Variants in CSMD1 observed in about 807,000 individuals in gnomAD.
CSMD1 encodes CUB and sushi domain-containing protein 1.
CSMD1 carries 213 observed loss-of-function variants against 417.5 expected under a neutral mutation model. That is an observed-to-expected ratio of 0.51 (90% confidence interval 0.46 to 0.57). The LOEUF is 0.57. CSMD1 is among the 20% of genes least tolerant of loss of function. The probability of loss-of-function intolerance (pLI) is 0.00; values close to 1 mark genes in which losing one functional copy is unlikely to be tolerated. For missense variants in CSMD1, 6,923 were observed against 4,529.7 expected, an observed-to-expected ratio of 1.53 and a Z score of -15.17; for synonymous variants, 2,862 against 1,736.8, an observed-to-expected ratio of 1.65 and a Z score of -16.11.
rs1466832482 is a variant in CSMD1 at position 4,695,742 on chromosome 8, G to C, written c.86-58184C>G. ...TACCGTTGGTATTTTATGTTCTATG[G>C]GTTTAGACAAATTTATTGTGATATG... is the stretch of plus-strand genomic sequence containing the variant. On this transcript the variant is annotated intron_variant, in intron 1 of 69. Coordinates refer to ENST00000635120, the MANE Select transcript of CSMD1 (RefSeq NM_033225.6). Among the ~76,000 whole-genome samples the C allele has an allele frequency of 3.3e-5, 5 of 151,976 alleles. No individual in the cohort carries two copies. The East Asian group carries it at 9.7e-4, about 29-fold the overall frequency.
At chr8:3,794,458 C>A (rs1383966643) in intron 5 of CSMD1, among the ~76,000 whole-genome samples, 4 of 152,152 alleles carry the variant, frequency 2.6e-5, no homozygotes, top group Non-Finnish European at 4.4e-5. Context: ...TACTTATAAA[C>A]CAATTAAATC....
chr8:4,794,983 G>A lies in CSMD1; in HGVS notation c.86-157425C>T, dbSNP rs180963023. ...GTGGAGTAAAGCCAGAGAAGAGAAA[G>A]AATGGTGCCTTAGGAAGTTGGGTAG... On this transcript the variant is annotated intron_variant, in intron 1 of 69. Transcript: ENST00000635120. Among the ~76,000 whole-genome samples, 3 of 146,548 alleles carry A rather than the reference G, an allele frequency of 2.0e-5. No individual in the cohort carries two copies. In the South Asian group the frequency reaches 7.0e-4, roughly 34 times the overall value.
chr8:3,225,518 C>A (rs980219726), intron 27 of CSMD1, among the ~76,000 whole-genome samples: 1 of 152,006 alleles, frequency 6.6e-6, no homozygotes, highest in Admixed American at 6.6e-5. Context: ...GTGGACCGAT[C>A]AGGGAGCGGG....
At chr8:4,153,879 G>A (rs966871657) in intron 3 of CSMD1, among the ~76,000 whole-genome samples, 2 of 152,232 alleles carry the variant, frequency 1.3e-5, no homozygotes, top group Non-Finnish European at 2.9e-5. Flanking sequence ...ACTCATGGCA[G>A]CAAACTAACA....
chr8:4,623,336 A>C (rs916857812), intron 2 of CSMD1, among the ~76,000 whole-genome samples: 1 of 152,180 alleles, frequency 6.6e-6, no homozygotes. Context: ...GGCTGAGTAC[A>C]CTAAATATAG....
Position 2,955,582 on chromosome 8 carries a change from G to A in CSMD1, c.9994+7C>T. On this transcript the variant is annotated splice_region_variant and intron_variant, in intron 64 of 69. Transcript: ENST00000635120. ...AAAAGTATGCCACTCCTTGATCAAT[G>A]ACTTACTTTTACACACAGGCGACTT... The A allele has an allele frequency of 1.2e-6, 2 of 1,612,964 alleles. No individual in the cohort carries two copies. The highest frequency in any genetic ancestry group is 1.7e-6 in the Non-Finnish European group (2 of 1,179,340).
chr8:4,881,411 A>ATGTCTATC (rs1554509736), intron 1 of CSMD1, among the ~76,000 whole-genome samples: 13 of 134,792 alleles, frequency 9.6e-5, no homozygotes, highest in Admixed American at 6.6e-4. Flanking sequence ...CCTAGTATAC[A>ATGTCTATC]TATCTATCTA....
rs1168857880 is a variant in CSMD1, at chr8:3,052,550, G to A, written c.7572C>T (p.Gly2524=). Residue 2524 remains glycine (G), a synonymous_variant, in exon 50 of 70, where the codon GGC becomes GGT. Coordinates refer to ENST00000635120, the MANE Select transcript of CSMD1 (RefSeq NM_033225.6). The stretch of plus-strand genomic sequence containing the variant: ...CTTGCTGGCTGGATTCAAGCTTGAA[G>A]CCCTCATGACATTCATAGACCACTT... ...DSKVVYECHE[G]FKLESSQQAT... is the part of the protein sequence containing the mutation. 3.1e-6 allele frequency: 5 copies of A among 1,609,146 alleles called. No individual in the cohort carries two copies. The highest frequency in any genetic ancestry group is 3.4e-5 in the Admixed American group (2 of 59,420).
At chr8:3,211,686 A>G (rs1042131380) in intron 30 of CSMD1, among the ~76,000 whole-genome samples, 5 of 152,148 alleles carry the variant, frequency 3.3e-5, no homozygotes, top group African/African-American at 9.7e-5. Context: ...GTGAGGCGAG[A>G]TCTGGTCACT....
intron 1 of CSMD1, among the ~76,000 whole-genome samples, chr8:4,853,186 G>C (rs1463041864): frequency 6.6e-6 from 1 of 152,204 alleles, no homozygotes. Context: ...AAGGGACCCA[G>C]GTGCTGCTAG....
At chr8:4,211,662 G>A (rs751857419) in intron 3 of CSMD1, among the ~76,000 whole-genome samples, 8 of 152,206 alleles carry the variant, frequency 5.3e-5, no homozygotes, top group Admixed American at 1.3e-4. Context: ...AAATATGGCA[G>A]TATCCTTAGC....
chr8:3,718,695 C>G (rs148481621), intron 6 of CSMD1, among the ~76,000 whole-genome samples: 130 of 152,220 alleles, frequency 8.5e-4, no homozygotes, highest in Non-Finnish European at 1.6e-3. Context: ...GAACTCTTTA[C>G]TAATGTAAAG....
intron 1 of CSMD1, among the ~76,000 whole-genome samples, chr8:4,755,975 T>C (rs1325149134): frequency 2.0e-5 from 3 of 152,234 alleles, no homozygotes; most frequent in Non-Finnish European, 4.4e-5. Flanking sequence ...AAAATCAAAC[T>C]ATATGATGAA....
At chr8:4,049,125 A>G (rs1475843178) in intron 3 of CSMD1, among the ~76,000 whole-genome samples, 2 of 152,004 alleles carry the variant, frequency 1.3e-5, no homozygotes, top group African/African-American at 4.8e-5. Flanking sequence ...TTTTATTTTT[A>G]CAGCTATTCT....
intron 5 of CSMD1, among the ~76,000 whole-genome samples, chr8:3,794,508 T>C (rs1320560241): frequency 1.3e-5 from 2 of 152,196 alleles, no homozygotes; most frequent in African/African-American, 4.8e-5. Flanking sequence ...CATTACATTG[T>C]ATTGTGTGTT....
At position 4,332,885 on chromosome 8, in the gene CSMD1, AAAC is replaced by A. The variant is rs565158411; in HGVS notation, c.415+87065_415+87067del. 3.7e-3 allele frequency among the ~76,000 whole-genome samples: 558 copies of A among 152,134 alleles called. 1 individual carries two copies. Among genetic ancestry groups the A allele is most frequent in the African/African-American group, 0.013 (529 of 41,498 alleles). Reference sequence around the variant, plus strand: ...CTACACAAAGGAATGTTTTTGAGAAAAACAACACAATGACTTGAAAAGGGTACT... The same window carrying A: ...CTACACAAAGGAATGTTTTTGAGAAAAACACAATGACTTGAAAAGGGTACT... On this transcript the variant is annotated intron_variant, in intron 3 of 69. Transcript: ENST00000635120.
At chr8:4,919,305 G>T (rs563609380) in intron 1 of CSMD1, among the ~76,000 whole-genome samples, 2 of 152,172 alleles carry the variant, frequency 1.3e-5, no homozygotes, top group East Asian at 1.9e-4. Flanking sequence ...TAGAACCACG[G>T]GTTAGATGTA....
At chr8:4,836,371 A>G (rs1305507277) in intron 1 of CSMD1, among the ~76,000 whole-genome samples, 1 of 152,208 alleles carries the variant, frequency 6.6e-6, no homozygotes, top group African/African-American at 2.4e-5. Context: ...GCCATGCCAC[A>G]TCTTGCTGAC....
At chr8:3,460,232 A>C (rs1816408455) in intron 12 of CSMD1, among the ~76,000 whole-genome samples, 1 of 152,186 alleles carries the variant, frequency 6.6e-6, no homozygotes, top group South Asian at 2.1e-4. Context: ...CAAATGATCT[A>C]CATGGTGAGT....
Sources: allele counts gnomAD v4.1 joint callset (sites outside exome capture counted in the v4.1 genomes callset), GRCh38; gene constraint gnomAD v4.1.1; transcripts MANE v1.5; gene names NCBI Gene and HGNC (gene_info 2026-07-23, HGNC 2026-07-21).